Variants in SDK2 observed in about 807,000 individuals in gnomAD.
SDK2 encodes the protein sidekick cell adhesion molecule 2.
A neutral mutation model predicts 253.9 loss-of-function variants in SDK2; 105 were observed. That is an observed-to-expected ratio of 0.41 (90% confidence interval 0.35 to 0.49). The LOEUF (loss-of-function observed/expected upper bound fraction) is 0.49. Among genes scored for constraint, SDK2 ranks in the 20% least tolerant of loss-of-function variants. The pLI is 0.06. For missense variants in SDK2, 2,608 were observed against 3,003.0 expected (o/e 0.87, Z 3.07); for synonymous variants, 1,249 against 1,234.9 (o/e 1.01, Z -0.24).
intron 1 of SDK2, among the ~76,000 whole-genome samples, chr17:73,515,153 C>T (rs533081142): frequency 3.0e-4 from 45 of 152,222 alleles, no homozygotes; most frequent in Admixed American, 1.5e-3. Flanking sequence ...AGAAAACCAA[C>T]GCTCAGAAAG....
At chr17:73,405,289 A>C in intron 18 of SDK2, among the ~76,000 whole-genome samples, 1 of 128,248 alleles carries the variant, frequency 7.8e-6, no homozygotes, top group Non-Finnish European at 1.6e-5. Flanking sequence ...AAAATACAAA[A>C]ATTAGCCGCA....
chr17:73,526,423 G>A (rs1014807968), intron 1 of SDK2, among the ~76,000 whole-genome samples: 1 of 152,200 alleles, frequency 6.6e-6, no homozygotes. Flanking sequence ...GAGAAAGAAG[G>A]GGGTGGGAAT....
intron 1 of SDK2, among the ~76,000 whole-genome samples, chr17:73,581,041 T>G (rs1385450153): frequency 6.7e-6 from 1 of 149,146 alleles, no homozygotes; most frequent in African/African-American, 2.5e-5. Flanking sequence ...AGCTAATTTT[T>G]GTATTTTTTG....
chr17:73,569,337 A>C (rs2045351327), intron 1 of SDK2, among the ~76,000 whole-genome samples: 1 of 151,544 alleles, frequency 6.6e-6, no homozygotes, highest in South Asian at 2.1e-4. Context: ...AGCTGGGATT[A>C]CGGGCGCACG....
chr17:73,522,975 C>T (rs1035632971), intron 1 of SDK2, among the ~76,000 whole-genome samples: 7 of 152,162 alleles, frequency 4.6e-5, no homozygotes, highest in South Asian at 2.1e-4. Flanking sequence ...GGCCCTGTCC[C>T]GGCTGTGGCT....
intron 1 of SDK2, among the ~76,000 whole-genome samples, chr17:73,563,450 C>T (rs1187609459): frequency 2.0e-5 from 3 of 152,006 alleles, no homozygotes; most frequent in African/African-American, 4.8e-5. Flanking sequence ...CGGTGGCACA[C>T]GGCTGTAGTC....
rs777255747 is a variant in SDK2 at position 73,402,064 on chromosome 17, G to A, written c.2562C>T (p.His854=). 6.2e-6 allele frequency: 10 copies of A among 1,614,056 alleles called. No individual in the cohort carries two copies. The highest frequency in any genetic ancestry group is 3.3e-5 in the Admixed American group (2 of 60,032). ...TARPNFQDSI[H]VGFVSGLKKF... ...TCTTCAGGCCAGACACGAAGCCCAC[G>A]TGGATGCTGTCTTGAAAGTTAGGCC... is the stretch of plus-strand genomic sequence containing the variant. The change falls in exon 19 of 45, where the codon CAC becomes CAT. Residue 854 remains histidine (H), a synonymous_variant. Coordinates refer to ENST00000392650, the MANE Select transcript of SDK2 (RefSeq NM_001144952.2).
chr17:73,561,706 C>T (rs573386386), intron 1 of SDK2, among the ~76,000 whole-genome samples: 16 of 152,314 alleles, frequency 1.1e-4, no homozygotes, highest in Non-Finnish European at 2.2e-4. Flanking sequence ...GACTCCTGTA[C>T]GGCCTCCCCT....
chr17:73,366,223 C>T (rs1432227281), intron 37 of SDK2, among the ~76,000 whole-genome samples: 1 of 152,202 alleles, frequency 6.6e-6, no homozygotes, highest in Non-Finnish European at 1.5e-5. Context: ...CCCTTCCTGC[C>T]TCCCCTGTGC....
intron 3 of SDK2, 149 bp from the exon 4 acceptor site, chr17:73,456,202 C>T (rs2063525063): frequency 3.7e-6 from 3 of 811,516 alleles, no homozygotes; most frequent in Non-Finnish European, 5.5e-6. Flanking sequence ...CTCGGGCCAC[C>T]CCATTCTCTG....
At chr17:73,450,513 T>C (rs1210159741) in intron 4 of SDK2, among the ~76,000 whole-genome samples, 1 of 152,132 alleles carries the variant, frequency 6.6e-6, no homozygotes, top group African/African-American at 2.4e-5. Context: ...ATGACTATCA[T>C]AGAAGCAGCT....
chr17:73,370,993 G>C (rs2062730651), intron 36 of SDK2, among the ~76,000 whole-genome samples: 1 of 152,140 alleles, frequency 6.6e-6, no homozygotes, highest in Non-Finnish European at 1.5e-5. Flanking sequence ...GAACCCGGGA[G>C]GTGAAGGTTG....
intron 1 of SDK2, among the ~76,000 whole-genome samples, chr17:73,545,086 C>T (rs533986347): frequency 5.0e-5 from 7 of 141,372 alleles, no homozygotes; most frequent in South Asian, 4.4e-4. Context: ...ATTCTCATTG[C>T]GTGCACGTGC....
At chr17:73,546,251 A>T (rs2044963392) in intron 1 of SDK2, among the ~76,000 whole-genome samples, 1 of 152,236 alleles carries the variant, frequency 6.6e-6, no homozygotes, top group African/African-American at 2.4e-5. Context: ...AGGCGGATGC[A>T]GGCGGAGGAG....
chr17:73,577,948 G>A (rs114526430), intron 1 of SDK2, among the ~76,000 whole-genome samples: 113 of 152,274 alleles, frequency 7.4e-4, no homozygotes, highest in African/African-American at 2.5e-3. Context: ...AGAAGAGGAC[G>A]GCAGAAGGGG....
chr17:73,370,844 C>T (rs980224050), intron 36 of SDK2, among the ~76,000 whole-genome samples: 2 of 152,086 alleles, frequency 1.3e-5, no homozygotes, highest in South Asian at 2.1e-4. Flanking sequence ...AGGGGAATCG[C>T]CTGTGCCCAT....
intron 1 of SDK2, among the ~76,000 whole-genome samples, chr17:73,585,150 T>C (rs2045587617): frequency 6.6e-6 from 1 of 152,194 alleles, no homozygotes; most frequent in Admixed American, 6.5e-5. Context: ...CTGTTGGGGA[T>C]GTGAGGAATT....
chr17:73,596,925 C>G (rs1211109029), intron 1 of SDK2, among the ~76,000 whole-genome samples: 2 of 152,220 alleles, frequency 1.3e-5, no homozygotes, highest in African/African-American at 4.8e-5. Context: ...CACCCCTAGT[C>G]CAGGATGCGC....
In SDK2 at chr17:73,404,358, C is replaced by G. The variant is rs558968142; in HGVS notation, c.2485-2217G>C. Among the ~76,000 whole-genome samples, 27 of 152,224 alleles carry G rather than the reference C, an allele frequency of 1.8e-4. No homozygotes were observed. The South Asian group carries it at 5.2e-3, about 29-fold the overall frequency. On this transcript the variant is annotated intron_variant, in intron 18 of 44. Transcript: ENST00000392650. ...CCAGGGAGAGAGACAGTAAAATTGC[C>G]TTTTGTGTCCTTCATTGCCCTAAAG...
Sources: allele counts gnomAD v4.1 joint callset (sites outside exome capture counted in the v4.1 genomes callset), GRCh38; gene constraint gnomAD v4.1.1; transcripts MANE v1.5; gene names NCBI Gene and HGNC (gene_info 2026-07-23, HGNC 2026-07-21).